DNAI2: variants seen among roughly 807,000 people sequenced by gnomAD.
DNAI2 encodes dynein, axonemal, intermediate polypeptide 2.
In DNAI2, 63 loss-of-function variants were observed where a neutral mutation model predicts 74.7. The observed-to-expected ratio is 0.84, with a 90% CI of 0.69 to 1.04. The LOEUF (loss-of-function observed/expected upper bound fraction) is 1.04. DNAI2 is among the 50% of genes least tolerant of loss of function. The pLI is 0.00. For missense variants in DNAI2, 688 were observed against 803.2 expected, an observed-to-expected ratio of 0.86 and a Z score of 1.73; for synonymous variants, 289 against 314.9, an observed-to-expected ratio of 0.92 and a Z score of 0.87.
In DNAI2 at chr17:74,311,479, G is replaced by A. The variant is rs575581048; in HGVS notation, c.1495-524G>A. On this transcript the variant is annotated intron_variant, in intron 11 of 13. Coordinates refer to ENST00000311014, the MANE Select transcript of DNAI2 (RefSeq NM_023036.6). Reference sequence around the variant, plus strand: ...AAATAGAAAATTAGCCAGGCATGGCGTCACATGCCTGTAATCCCAGCTCCT... The same window carrying A: ...AAATAGAAAATTAGCCAGGCATGGCATCACATGCCTGTAATCCCAGCTCCT... Among the ~76,000 whole-genome samples the A allele has an allele frequency of 4.7e-3, 711 of 152,300 alleles. 4 individuals carry two copies. Among genetic ancestry groups the A allele is most frequent in the African/African-American group, 0.015 (618 of 41,570 alleles).
At chr17:74,282,740 T>C (rs1251956337) in intron 2 of DNAI2, among the ~76,000 whole-genome samples, 1 of 152,246 alleles carries the variant, frequency 6.6e-6, no homozygotes, top group Non-Finnish European at 1.5e-5. Context: ...CATGGTCATG[T>C]GTTCAGAGGC....
At position 74,314,042 on chromosome 17, in the gene DNAI2, G is replaced by A. The variant is rs569062596; in HGVS notation, c.1723-79G>A. On this transcript the variant is annotated intron_variant, in intron 12 of 13. Transcript: ENST00000311014. ...CAGCCATTTGGCTGCTTTGGTCCTC[G>A]TGGGGTTCACATCCCAGGGGAGTGG... 9.5e-5 allele frequency: 153 copies of A among 1,607,356 alleles called. 1 individual carries two copies. The South Asian group carries it at 1.5e-3, about 16-fold the overall frequency.
intron 6 of DNAI2, among the ~76,000 whole-genome samples, chr17:74,296,320 A>G (rs1190775602): frequency 9.9e-6 from 1 of 100,966 alleles, no homozygotes; most frequent in African/African-American, 3.2e-5. Flanking sequence ...AAAGAGAGAG[A>G]GAGAGAGAGA....
chr17:74,279,572 G>C (rs546962126), intron 1 of DNAI2, among the ~76,000 whole-genome samples: 37 of 152,256 alleles, frequency 2.4e-4, no homozygotes, highest in Non-Finnish European at 4.0e-4. Context: ...CTGTCATCCA[G>C]GCTGGAGTGC....
At chr17:74,314,318 C>T (rs563067854) in intron 13 of DNAI2, 47 bp downstream of exon 13, 5 of 1,597,496 alleles carry the variant, frequency 3.1e-6, no homozygotes, top group Non-Finnish European at 4.3e-6. Context: ...CGCCTTAAAG[C>T]AGCACTGGGT....
chr17:74,294,506 G>A (rs1375276950), intron 6 of DNAI2, among the ~76,000 whole-genome samples: 2 of 151,480 alleles, frequency 1.3e-5, no homozygotes, highest in African/African-American at 2.4e-5. Flanking sequence ...TGTAGAGATA[G>A]GGTCTTGCTA....
intron 1 of DNAI2, among the ~76,000 whole-genome samples, chr17:74,279,990 T>C (rs551775136): frequency 6.6e-6 from 1 of 152,290 alleles, no homozygotes; most frequent in South Asian, 2.1e-4. Flanking sequence ...TCTGAGCCCC[T>C]GGAAACTTGC....
At chr17:74,293,317 G>A (rs1392396284) in intron 6 of DNAI2, among the ~76,000 whole-genome samples, 1 of 152,126 alleles carries the variant, frequency 6.6e-6, no homozygotes, top group Non-Finnish European at 1.5e-5. Context: ...TTTGCTTCCT[G>A]TATGTTAAGG....
intron 1 of DNAI2, among the ~76,000 whole-genome samples, chr17:74,281,359 A>G (rs984555413): frequency 6.6e-6 from 1 of 151,896 alleles, no homozygotes; most frequent in Admixed American, 6.6e-5. Context: ...CCCGAGTTCA[A>G]GTGATTCTCC....
intron 4 of DNAI2, 124 bp downstream of exon 4, chr17:74,287,222 G>C: frequency 6.9e-7 from 1 of 1,459,022 alleles, no homozygotes. Context: ...CTCTGAGCTT[G>C]ATAAGTGACG....
intron 1 of DNAI2, 119 bp from the exon 2 acceptor site, chr17:74,281,688 C>T: frequency 1.1e-6 from 1 of 949,064 alleles, no homozygotes; most frequent in Non-Finnish European, 1.6e-6. Context: ...GATCTCCCCA[C>T]CACCCCTTGC....
intron 6 of DNAI2, among the ~76,000 whole-genome samples, chr17:74,296,861 C>A (rs901112702): frequency 2.0e-5 from 3 of 152,146 alleles, no homozygotes; most frequent in Admixed American, 6.6e-5. Flanking sequence ...AGTGTGCGAT[C>A]TTAACTAGGG....
intron 8 of DNAI2, among the ~76,000 whole-genome samples, chr17:74,302,096 A>T (rs1290097407): frequency 7.6e-6 from 1 of 131,508 alleles, no homozygotes; most frequent in Non-Finnish European, 1.7e-5. Flanking sequence ...GGAAGGAAGG[A>T]AGGAAGGAAG....
At chr17:74,313,948 G>C (rs182154378) in intron 12 of DNAI2, 173 bp from the exon 13 acceptor site, 120 of 957,028 alleles carry the variant, frequency 1.3e-4, no homozygotes, top group Non-Finnish European at 1.7e-4. Flanking sequence ...CCCACTTTCC[G>C]CACTGTCTGG....
intron 1 of DNAI2, among the ~76,000 whole-genome samples, chr17:74,279,362 T>C (rs1199372436): frequency 6.6e-6 from 1 of 152,052 alleles, no homozygotes; most frequent in Non-Finnish European, 1.5e-5. Context: ...AAAGGATAAA[T>C]GCTTGAGGGG....
intron 2 of DNAI2, 62 bp downstream of exon 2, chr17:74,282,062 G>A: frequency 6.3e-7 from 1 of 1,597,252 alleles, no homozygotes; most frequent in Non-Finnish European, 8.6e-7. Flanking sequence ...GGCCAGCTGG[G>A]GCCGGTGAGT....
intron 4 of DNAI2, among the ~76,000 whole-genome samples, chr17:74,287,954 CA>C (rs35302128): frequency 0.016 from 2,179 of 134,406 alleles, 46 homozygotes; most frequent in African/African-American, 0.051. Flanking sequence ...GACTCTGTCT[CA>C]AAAAAAAAAA....
chr17:74,296,397 G>A (rs1010776213), intron 6 of DNAI2, among the ~76,000 whole-genome samples: 41 of 150,848 alleles, frequency 2.7e-4, no homozygotes, highest in Non-Finnish European at 1.5e-4. Flanking sequence ...GAGAGAGAGA[G>A]AGAAAGAAAG....
intron 1 of DNAI2, 44 bp from the exon 2 acceptor site, chr17:74,281,763 G>A: frequency 6.3e-7 from 1 of 1,597,576 alleles, no homozygotes; most frequent in Non-Finnish European, 8.6e-7. Flanking sequence ...ATAGGGAAGG[G>A]GCCGGTGGGG....
Sources: allele counts gnomAD v4.1 joint callset (sites outside exome capture counted in the v4.1 genomes callset), GRCh38; gene constraint gnomAD v4.1.1; transcripts MANE v1.5; gene names NCBI Gene and HGNC (gene_info 2026-07-23, HGNC 2026-07-21).